The following RPS6KA5 variants were observed in gnomAD, a reference collection of about 807,000 sequenced individuals.
The protein encoded by RPS6KA5 is ribosomal protein S6 kinase A5, also known as ribosomal protein S6 kinase alpha-5.
RPS6KA5 carries 27 observed loss-of-function variants against 85.5 expected under a neutral mutation model. The ratio of observed to expected loss-of-function variants is 0.32; its 90% CI spans 0.23 to 0.44. The LOEUF (loss-of-function observed/expected upper bound fraction) is 0.44. RPS6KA5 is among the 20% of genes least tolerant of loss of function. RPS6KA5 has a pLI of 1.00. For synonymous variants in RPS6KA5, 334 were observed against 348.2 expected, an observed-to-expected ratio of 0.96 and a Z score of 0.46; for missense variants, 811 against 980.9, an observed-to-expected ratio of 0.83 and a Z score of 2.31.
intron 3 of RPS6KA5, among the ~76,000 whole-genome samples, chr14:90,961,129 T>C (rs779437594): frequency 6.6e-6 from 1 of 152,192 alleles, no homozygotes; most frequent in Non-Finnish European, 1.5e-5. Flanking sequence ...GACCAAAGAA[T>C]AACAATAGCA....
chr14:91,051,271 TA>T (rs2043068614), intron 1 of RPS6KA5, among the ~76,000 whole-genome samples: 1 of 150,096 alleles, frequency 6.7e-6, no homozygotes, highest in Non-Finnish European at 1.5e-5. Flanking sequence ...AATAAATAAA[TA>T]AATAAATAAA....
Position 90,900,740 on chromosome 14 carries a change from A to G in RPS6KA5, c.1120-4T>C. 6.2e-7 allele frequency: 1 copy of G among 1,604,886 alleles called. No homozygotes were observed. Among genetic ancestry groups the G allele is most frequent in the Non-Finnish European group, 8.5e-7 (1 of 1,176,570 alleles). ...AAGGAGCAACAAAGGAATAGCCCTA[A>G]AAACAAGACAAAGAAAGATAAAGAA... is the stretch of plus-strand genomic sequence containing the variant. On this transcript the variant is annotated splice_region_variant and splice_polypyrimidine_tract_variant and intron_variant, in intron 9 of 16. Coordinates refer to ENST00000614987, the MANE Select transcript of RPS6KA5 (RefSeq NM_004755.4).
At chr14:90,926,465 T>C (rs2036674178) in intron 5 of RPS6KA5, among the ~76,000 whole-genome samples, 1 of 151,844 alleles carries the variant, frequency 6.6e-6, no homozygotes, top group Admixed American at 6.6e-5. Context: ...TTATCCAGAA[T>C]ATTGCAAAAG....
In RPS6KA5 at chr14:90,904,156, A is replaced by G. The variant is rs967087890; in HGVS notation, c.958-1187T>C. ...AGCAGAGACAGGGTTTCACTGTGTT[A>G]GCCAGGATGGTCTCGATCTCCTGAC... On this transcript the variant is annotated intron_variant, in intron 8 of 16. Coordinates refer to ENST00000614987, the MANE Select transcript of RPS6KA5 (RefSeq NM_004755.4). Among the ~76,000 whole-genome samples, 8 of 152,120 alleles carry G rather than the reference A, an allele frequency of 5.3e-5. No homozygotes were observed. In the South Asian group the frequency reaches 8.3e-4, roughly 16 times the overall value.
At chr14:90,892,933 G>A (rs2034642114) in intron 13 of RPS6KA5, among the ~76,000 whole-genome samples, 1 of 152,166 alleles carries the variant, frequency 6.6e-6, no homozygotes, top group Non-Finnish European at 1.5e-5. Flanking sequence ...TTTCAAGTGA[G>A]TATTTGAAAG....
intron 3 of RPS6KA5, among the ~76,000 whole-genome samples, chr14:90,952,993 C>T (rs916153388): frequency 6.6e-6 from 1 of 152,170 alleles, no homozygotes; most frequent in Admixed American, 6.5e-5. Context: ...TCTGTTTAAT[C>T]GGCTTGTTTT....
rs1156350879 is a variant in RPS6KA5 at position 90,861,535 on chromosome 14, T to C, written c.*10539A>G. 7.0e-6 allele frequency: 1 copy of C among 143,194 alleles called. No individual in the cohort carries two copies. The highest frequency in any genetic ancestry group is 1.5e-5 in the Non-Finnish European group (1 of 64,774). The allele number at this position is 143,194 out of a possible 1,614,324, so 8.9% of individuals were successfully genotyped here. A position where few individuals can be genotyped will look rare whatever the true frequency, so the allele number is the denominator to read the frequency against. On this transcript the variant is annotated 3_prime_UTR_variant, in exon 17 of 17. Coordinates refer to ENST00000614987, the MANE Select transcript of RPS6KA5 (RefSeq NM_004755.4). ...AGACTCTGTCTCAAAAAAAAAAAAA[T>C]AATGTCTTATGAAGTCTAAAACACA... is the stretch of plus-strand genomic sequence containing the variant.
chr14:90,899,341 A>G lies in RPS6KA5; in HGVS notation c.1461T>C (p.Val487=), dbSNP rs1333535840. 2 of 1,606,614 alleles carry G rather than the reference A, an allele frequency of 1.2e-6. No individual in the cohort carries two copies. Among genetic ancestry groups the G allele is most frequent in the Admixed American group, 3.4e-5 (2 of 59,022 alleles). The stretch of plus-strand genomic sequence containing the variant: ...AAAAGTAGGATACCTGATCATGAAA[A>G]ACTTCATGCAACTTCACAATATTGG... The part of the protein sequence containing the change: ...GHPNIVKLHE[V]FHDQLHTFLV... The change falls in exon 12 of 17, where the codon GTT becomes GTC. Residue 487 remains valine (V), a synonymous_variant. Transcript: ENST00000614987.
At chr14:90,933,922 C>T (rs150774328) in intron 5 of RPS6KA5, among the ~76,000 whole-genome samples, 1,531 of 152,292 alleles carry the variant, frequency 0.01, 92 homozygotes, top group Admixed American at 0.091. Context: ...AAATCTCCTT[C>T]CTGAGATATC....
intron 1 of RPS6KA5, among the ~76,000 whole-genome samples, chr14:91,044,257 GA>G (rs2042717365): frequency 3.2e-5 from 2 of 61,752 alleles, no homozygotes; most frequent in Non-Finnish European, 6.9e-5. Flanking sequence ...GGGGGAGAGA[GA>G]GAGGGAGAGA....
At position 90,984,294 on chromosome 14, in the gene RPS6KA5, G is replaced by A. The variant is rs145576164; in HGVS notation, c.176-5770C>T. 7.2e-3 allele frequency among the ~76,000 whole-genome samples: 1,103 copies of A among 152,350 alleles called. 9 individuals are homozygous for A. The highest frequency in any genetic ancestry group is 0.027 in the Middle Eastern group (8 of 294). On this transcript the variant is annotated intron_variant, in intron 2 of 16. Transcript: ENST00000614987. ...GATTACTTACTGATTTAGCTTGGCTGATATTTGAGACCAAATGAATGACGT... is the reference window on the plus strand; with the variant it reads ...GATTACTTACTGATTTAGCTTGGCTAATATTTGAGACCAAATGAATGACGT...
At position 90,998,399 on chromosome 14, in the gene RPS6KA5, A is replaced by C. The variant is rs142398103; in HGVS notation, c.175+2689T>G. Among the ~76,000 whole-genome samples, 43 of 152,342 alleles carry C rather than the reference A, an allele frequency of 2.8e-4. No homozygotes were observed. In the East Asian group the frequency reaches 7.7e-3, roughly 27 times the overall value. On this transcript the variant is annotated intron_variant, in intron 2 of 16. Transcript: ENST00000614987. Reference sequence around the variant, plus strand: ...TATCTCAATAAAGTTGTTACCAAGAAAGCCACATACAGACAAAACAGATAA... The same window carrying C: ...TATCTCAATAAAGTTGTTACCAAGACAGCCACATACAGACAAAACAGATAA...
At chr14:91,048,701 A>C (rs759475086) in intron 1 of RPS6KA5, among the ~76,000 whole-genome samples, 2 of 152,336 alleles carry the variant, frequency 1.3e-5, no homozygotes, top group Admixed American at 6.5e-5. Flanking sequence ...TGAATGTAGG[A>C]GTGATCATAC....
At chr14:90,886,445 T>A (rs2034232838) in intron 14 of RPS6KA5, among the ~76,000 whole-genome samples, 1 of 152,156 alleles carries the variant, frequency 6.6e-6, no homozygotes, top group Admixed American at 6.5e-5. Context: ...AAGCCCCAGC[T>A]CTCCATGTGA....
chr14:90,886,091 T>C (rs970397756), intron 14 of RPS6KA5, among the ~76,000 whole-genome samples: 1 of 152,054 alleles, frequency 6.6e-6, no homozygotes, highest in Non-Finnish European at 1.5e-5. Context: ...TATATATGTA[T>C]GTCTGCATAT....
chr14:90,928,854 G>C (rs1209539128), intron 5 of RPS6KA5, among the ~76,000 whole-genome samples: 1 of 151,806 alleles, frequency 6.6e-6, no homozygotes, highest in Non-Finnish European at 1.5e-5. Context: ...CCATTTCATG[G>C]TGCTAGGACA....
chr14:90,967,009 C>A lies in RPS6KA5; in HGVS notation c.394+11297G>T, dbSNP rs557993789. 2.8e-4 allele frequency among the ~76,000 whole-genome samples: 43 copies of A among 152,142 alleles called. 1 individual carries two copies. The Middle Eastern group carries it at 0.014, about 48-fold the overall frequency. The stretch of plus-strand genomic sequence containing the variant: ...CAACTGAAGAACAAAAGAAAACTAT[C>A]AATAGTCCATCTTTATGACAATAAT... On this transcript the variant is annotated intron_variant, in intron 3 of 16. Transcript: ENST00000614987.
intron 7 of RPS6KA5, among the ~76,000 whole-genome samples, chr14:90,917,142 C>G (rs1235807198): frequency 6.6e-6 from 1 of 152,036 alleles, no homozygotes; most frequent in Admixed American, 6.6e-5. Flanking sequence ...GCCACAGTTT[C>G]CTATAGTCTG....
chr14:90,921,072 T>C lies in RPS6KA5; in HGVS notation c.703-763A>G, dbSNP rs150982491. Among the ~76,000 whole-genome samples, 8 of 152,200 alleles carry C rather than the reference T, an allele frequency of 5.3e-5. 1 individual carries two copies. The East Asian group carries it at 1.5e-3, about 29-fold the overall frequency. On this transcript the variant is annotated intron_variant, in intron 6 of 16. Transcript: ENST00000614987. ...TATTGAAAATTACTTCTTTTGTAAT[T>C]AGGCAAATCAGAATTTTAATAACTA...
Sources: allele counts gnomAD v4.1 joint callset (sites outside exome capture counted in the v4.1 genomes callset), GRCh38; gene constraint gnomAD v4.1.1; transcripts MANE v1.5; gene names NCBI Gene and HGNC (gene_info 2026-07-23, HGNC 2026-07-21).